Variants in ABAT observed in about 807,000 individuals in gnomAD.
ABAT encodes 4-aminobutyrate aminotransferase, also known as 4-aminobutyrate aminotransferase, mitochondrial.
ABAT carries 45 observed loss-of-function variants against 64.6 expected under a neutral mutation model. The observed-to-expected ratio is 0.70, with a 90% confidence interval of 0.55 to 0.89. The LOEUF (loss-of-function observed/expected upper bound fraction) is 0.89, where lower values mean the gene tolerates loss of function less well. ABAT is among the 40% of genes least tolerant of loss of function. The pLI, the probability that ABAT is intolerant of heterozygous loss-of-function variation, is 0.00. For synonymous variants in ABAT, 297 were observed against 250.5 expected (o/e 1.19, Z -1.75); for missense variants, 633 against 658.4 (o/e 0.96, Z 0.42).
At chr16:8,709,163 AG>A (rs1260751261) in intron 1 of ABAT, among the ~76,000 whole-genome samples, 1 of 152,188 alleles carries the variant, frequency 6.6e-6, no homozygotes, top group African/African-American at 2.4e-5. Context: ...TGAGATTTTG[AG>A]GACACGTCAG....
At chr16:8,699,890 T>A (rs187413901) in intron 1 of ABAT, among the ~76,000 whole-genome samples, 1 of 152,150 alleles carries the variant, frequency 6.6e-6, no homozygotes, top group African/African-American at 2.4e-5. Flanking sequence ...CACGGCTGAC[T>A]GCAACCTCGA....
In ABAT at chr16:8,674,701, G is replaced by C. The variant is rs532269694; in HGVS notation, c.-52G>C. On this transcript the variant is annotated 5_prime_UTR_variant, in exon 1 of 16. Transcript: ENST00000268251. ...GGATCGGATCCCGCAGATCGGAGAC[G>C]GGGCCTGGAGGTGAGCGCGAGGCGC... is the stretch of plus-strand genomic sequence containing the variant. The C allele has an allele frequency of 1.3e-5, 2 of 152,270 alleles. No individual in the cohort carries two copies. Among genetic ancestry groups the C allele is most frequent in the African/African-American group, 2.4e-5 (1 of 41,470 alleles). The allele number at this position is 152,270 out of a possible 1,614,324, so 9.4% of individuals were successfully genotyped here.
Position 8,773,034 on chromosome 16 carries a change from A to G in ABAT, c.954+117A>G, listed in dbSNP as rs938261411. ...CTTCTGTCAATCTCCAGACTTGCAG[A>G]GGCTGTCTGTCAGCATCAGGGGTGG... On this transcript the variant is annotated intron_variant, in intron 12 of 15. Coordinates refer to ENST00000268251, the MANE Select transcript of ABAT (RefSeq NM_020686.6). The G allele has an allele frequency of 5.6e-5, 79 of 1,415,614 alleles. No homozygotes were observed. The South Asian group carries it at 8.8e-4, about 16-fold the overall frequency. The allele number at this position is 1,415,614 out of a possible 1,614,324, so 87.7% of individuals were successfully genotyped here.
In ABAT at chr16:8,784,122, T is replaced by C. The variant is rs1300560421; in HGVS notation, c.*2692T>C. 1 of 152,608 alleles carries C rather than the reference T, an allele frequency of 6.6e-6. No individual in the cohort carries two copies. The highest frequency in any genetic ancestry group is 1.9e-4 in the East Asian group (1 of 5,198). The allele number at this position is 152,608 out of a possible 1,614,324, so 9.5% of individuals were successfully genotyped here. On this transcript the variant is annotated 3_prime_UTR_variant, in exon 16 of 16. Coordinates refer to ENST00000268251, the MANE Select transcript of ABAT (RefSeq NM_020686.6). ...GTCCAGGGCAGAGGCCATGAAGAAGTGCTTCCGTGGCCGACAGTCTGGAAA... is the reference window on the plus strand; with the variant it reads ...GTCCAGGGCAGAGGCCATGAAGAAGCGCTTCCGTGGCCGACAGTCTGGAAA...
chr16:8,720,556 G>A (rs2058339248), intron 1 of ABAT, among the ~76,000 whole-genome samples: 1 of 152,224 alleles, frequency 6.6e-6, no homozygotes, highest in Non-Finnish European at 1.5e-5. Flanking sequence ...GCTGAAGTCG[G>A]AGGAGAAAAG....
At chr16:8,749,121 C>A (rs1381909805) in intron 4 of ABAT, among the ~76,000 whole-genome samples, 2 of 143,726 alleles carry the variant, frequency 1.4e-5, no homozygotes, top group African/African-American at 2.6e-5. Context: ...GAGTTTTGCT[C>A]TTATTGCCCA....
At chr16:8,758,908 C>T in intron 6 of ABAT, among the ~76,000 whole-genome samples, 1 of 152,052 alleles carries the variant, frequency 6.6e-6, no homozygotes, top group East Asian at 1.9e-4. Context: ...TCAAGACCAG[C>T]CTGGCCAGCA....
chr16:8,743,423 TTATATATA>T (rs1182574273), intron 2 of ABAT, among the ~76,000 whole-genome samples: 7 of 45,294 alleles, frequency 1.5e-4, no homozygotes, highest in African/African-American at 4.9e-4. Flanking sequence ...ATGGAAACAG[TTATATATA>T]TATATATATA....
intron 3 of ABAT, 58 bp from the exon 4 acceptor site, chr16:8,748,050 A>C (rs937633185): frequency 5.2e-6 from 8 of 1,534,044 alleles, no homozygotes; most frequent in Middle Eastern, 3.3e-4. Flanking sequence ...GAAAGATTTT[A>C]AGCTATTTTG....
intron 12 of ABAT, 70 bp downstream of exon 12, chr16:8,772,987 C>G: frequency 1.9e-6 from 3 of 1,598,842 alleles, no homozygotes; most frequent in Admixed American, 1.7e-5. Context: ...AGTAACGGGC[C>G]AGCAGCACCT....
chr16:8,708,161 C>T (rs2142062194), intron 1 of ABAT, among the ~76,000 whole-genome samples: 1 of 78,442 alleles, frequency 1.3e-5, no homozygotes, highest in Non-Finnish European at 3.2e-5. Context: ...CCCATCTAGA[C>T]AAAAGGAGTC....
chr16:8,753,176 C>T (rs1445556931), intron 5 of ABAT, among the ~76,000 whole-genome samples: 1 of 151,194 alleles, frequency 6.6e-6, no homozygotes, highest in Non-Finnish European at 1.5e-5. Context: ...TCACTGCAAG[C>T]TCTGCCTCCT....
At chr16:8,711,628 C>T (rs1219314274) in intron 1 of ABAT, among the ~76,000 whole-genome samples, 1 of 150,596 alleles carries the variant, frequency 6.6e-6, no homozygotes, top group East Asian at 1.9e-4. Flanking sequence ...GATAGTGAAT[C>T]ATTTGTGGAA....
chr16:8,776,596 C>A lies in ABAT; in HGVS notation c.1269+106C>A. The A allele has an allele frequency of 8.1e-7, 1 of 1,231,604 alleles. No homozygotes were observed. 76.3% of individuals were successfully genotyped at this position (1,231,604 alleles called of 1,614,324 possible). A position where few individuals can be genotyped will look rare whatever the true frequency, so the allele number is the denominator to read the frequency against. On this transcript the variant is annotated intron_variant, in intron 14 of 15. Transcript: ENST00000268251. The surrounding 1 kb of genome is among the most constrained non-coding windows in gnomAD (Gnocchi z 4.4). ...CATGGTGTTGTGCCTGCTGTTCCAG[C>A]AGTTCGTAACGGGCTGTGCTGCTCC...
chr16:8,742,044 G>C (rs2059175490), intron 2 of ABAT, among the ~76,000 whole-genome samples: 1 of 152,170 alleles, frequency 6.6e-6, no homozygotes, highest in South Asian at 2.1e-4. Flanking sequence ...CAAACTTATG[G>C]AAAACATGAT....
At position 8,781,436 on chromosome 16, in the gene ABAT, C is replaced by T; in HGVS notation, c.*6C>T. On this transcript the variant is annotated 3_prime_UTR_variant, in exon 16 of 16. Coordinates refer to ENST00000268251, the MANE Select transcript of ABAT (RefSeq NM_020686.6). The surrounding 1 kb of genome is among the most constrained non-coding windows in gnomAD (Gnocchi z 4.5). ...TCTTAGCAGACTTCAAGTAAAGAAG[C>T]CATTTCCACTACAGTGAGAAAGCCC... The T allele has an allele frequency of 6.2e-7, 1 of 1,614,150 alleles. No homozygotes were observed. Among genetic ancestry groups the T allele is most frequent in the Non-Finnish European group, 8.5e-7 (1 of 1,180,036 alleles).
At chr16:8,730,283 G>A (rs573500932) in intron 1 of ABAT, among the ~76,000 whole-genome samples, 14 of 152,188 alleles carry the variant, frequency 9.2e-5, no homozygotes, top group Non-Finnish European at 1.6e-4. Context: ...ATGAATGTTC[G>A]TAGCACAAAT....
chr16:8,773,571 T>C (rs1278976265), intron 12 of ABAT, among the ~76,000 whole-genome samples: 1 of 152,254 alleles, frequency 6.6e-6, no homozygotes, highest in Non-Finnish European at 1.5e-5. Flanking sequence ...TTGGGAATAT[T>C]CCAAATCCAC....
intron 2 of ABAT, chr16:8,738,468 A>G (rs774223629): frequency 2.2e-4 from 102 of 455,706 alleles, no homozygotes; most frequent in South Asian, 1.6e-3. Flanking sequence ...CACACATTGC[A>G]TTGATTTGTC....
Sources: allele counts gnomAD v4.1 joint callset (sites outside exome capture counted in the v4.1 genomes callset), GRCh38; gene constraint gnomAD v4.1.1; non-coding constraint Gnocchi (gnomAD v3.1); transcripts MANE v1.5; gene names NCBI Gene and HGNC (gene_info 2026-07-23, HGNC 2026-07-21).